PCDH15: variants seen among roughly 807,000 people sequenced by gnomAD.
PCDH15 encodes protocadherin related 15.
Under a neutral mutation model 178.5 loss-of-function variants are expected in PCDH15, and 129 were observed. The observed-to-expected ratio is 0.72, with a 90% CI of 0.63 to 0.84. PCDH15 has a LOEUF of 0.84. Ranked by LOEUF, PCDH15 falls within the 40% of genes least tolerant of loss-of-function variation. PCDH15 has a pLI of 0.00. For synonymous variants in PCDH15, 800 were observed against 732.0 expected (o/e 1.09, Z -1.50); for missense variants, 2,230 against 2,099.9 (o/e 1.06, Z -1.21).
rs73248519 is a variant in PCDH15 at position 53,931,336 on chromosome 10, G to A, written c.3373+7479C>T. ...GTCAGCCATCAGGTGGATTGTATGA[G>A]TGGTATGTATGCTACAAATTTGCAT... On this transcript the variant is annotated intron_variant, in intron 25 of 37. Coordinates refer to ENST00000644397, the MANE Select transcript of PCDH15 (RefSeq NM_001384140.1). 3.0e-3 allele frequency among the ~76,000 whole-genome samples: 463 copies of A among 152,300 alleles called. 4 individuals carry two copies. Among genetic ancestry groups the A allele is most frequent in the African/African-American group, 0.011 (438 of 41,548 alleles).
At chr10:54,512,359 T>TTTTGTG (rs374994766) in intron 3 of PCDH15, among the ~76,000 whole-genome samples, 22 of 134,174 alleles carry the variant, frequency 1.6e-4, no homozygotes, top group African/African-American at 5.1e-4. Context: ...ATTTCTGGCA[T>TTTTGTG]TGTGTGTGTG....
intron 26 of PCDH15, among the ~76,000 whole-genome samples, chr10:53,870,696 C>G (rs1026530289): frequency 3.9e-5 from 6 of 152,126 alleles, no homozygotes; most frequent in Non-Finnish European, 8.8e-5. Context: ...ATAACAAATA[C>G]ATATTTTAAA....
intron 2 of PCDH15, among the ~76,000 whole-genome samples, chr10:55,045,779 G>A (rs142285940): frequency 6.6e-5 from 10 of 152,094 alleles, no homozygotes; most frequent in African/African-American, 2.2e-4. Context: ...AGTAATGCCA[G>A]TAATGTCAAT....
chr10:54,731,541 G>GAGATATATATATATATAT (rs1401452530), intron 1 of PCDH15, among the ~76,000 whole-genome samples: 3 of 68,318 alleles, frequency 4.4e-5, no homozygotes, highest in African/African-American at 6.1e-5. Context: ...GAAAATGTGA[G>GAGATATATATATATATAT]ATAGATATAT....
intron 3 of PCDH15, among the ~76,000 whole-genome samples, chr10:54,887,657 T>G (rs1186953691): frequency 6.6e-6 from 1 of 152,076 alleles, no homozygotes; most frequent in Admixed American, 6.6e-5. Flanking sequence ...AGAAATGCAT[T>G]TTTTTGAAAA....
At chr10:54,559,794 T>C (rs1311605334) in intron 2 of PCDH15, among the ~76,000 whole-genome samples, 3 of 143,202 alleles carry the variant, frequency 2.1e-5, no homozygotes, top group Non-Finnish European at 4.5e-5. Flanking sequence ...CTGGCTTAAA[T>C]GAGAATTCTG....
At chr10:54,049,521 G>A (rs964962455) in intron 18 of PCDH15, among the ~76,000 whole-genome samples, 2 of 152,202 alleles carry the variant, frequency 1.3e-5, no homozygotes, top group Non-Finnish European at 2.9e-5. Context: ...AGATGGATCT[G>A]ATTATTTTGA....
chr10:55,291,887 G>T (rs1017301125), intron 1 of PCDH15, among the ~76,000 whole-genome samples: 1 of 152,112 alleles, frequency 6.6e-6, no homozygotes, highest in South Asian at 2.1e-4. Flanking sequence ...CAGGGAAACT[G>T]CCCCCTATAA....
chr10:54,271,274 G>A (rs1223851874), intron 8 of PCDH15, among the ~76,000 whole-genome samples: 3 of 151,962 alleles, frequency 2.0e-5, no homozygotes, highest in Non-Finnish European at 4.4e-5. Flanking sequence ...ACAATGGTGC[G>A]ATCTCGGCTC....
At chr10:54,775,105 G>C (rs1949547900) in intron 1 of PCDH15, among the ~76,000 whole-genome samples, 1 of 152,152 alleles carries the variant, frequency 6.6e-6, no homozygotes, top group African/African-American at 2.4e-5. Flanking sequence ...GATGCTGTTA[G>C]AGTCTACTAA....
intron 3 of PCDH15, among the ~76,000 whole-genome samples, chr10:54,464,503 G>A (rs1330857058): frequency 6.6e-6 from 1 of 152,156 alleles, no homozygotes; most frequent in African/African-American, 2.4e-5. Flanking sequence ...TAATATTTTT[G>A]TGTTTACACA....
intron 37 of PCDH15, chr10:53,809,048 CCAT>C: frequency 6.2e-7 from 1 of 1,610,404 alleles, no homozygotes; most frequent in Non-Finnish European, 8.5e-7. Flanking sequence ...ACCTCCTCAA[CCAT>C]GGGCCTTCTT....
intron 2 of PCDH15, among the ~76,000 whole-genome samples, chr10:55,416,900 G>A (rs1838497185): frequency 6.6e-6 from 1 of 151,612 alleles, no homozygotes; most frequent in African/African-American, 2.4e-5. Flanking sequence ...TGCCCTCTTG[G>A]ATAAATAAAA....
At chr10:55,557,831 C>G (rs1842120243) in intron 2 of PCDH15, among the ~76,000 whole-genome samples, 1 of 152,064 alleles carries the variant, frequency 6.6e-6, no homozygotes. Context: ...AGAAAATACA[C>G]TGACATATGG....
intron 1 of PCDH15, among the ~76,000 whole-genome samples, chr10:54,739,309 A>G (rs1944488445): frequency 6.6e-6 from 1 of 151,978 alleles, no homozygotes; most frequent in Non-Finnish European, 1.5e-5. Flanking sequence ...AAGTAATTCA[A>G]TTTACACAGC....
intron 2 of PCDH15, chr10:54,607,930 A>G (rs1158325457): frequency 2.0e-6 from 1 of 512,436 alleles, no homozygotes; most frequent in African/African-American, 2.0e-5. Context: ...AATGTCAAAA[A>G]CTGTGATTAC....
At chr10:55,422,393 T>A (rs1838643831) in intron 2 of PCDH15, among the ~76,000 whole-genome samples, 2 of 151,868 alleles carry the variant, frequency 1.3e-5, no homozygotes. Flanking sequence ...TTCCTATACA[T>A]TCCAATAATG....
At chr10:55,577,267 A>T (rs570020652) in intron 2 of PCDH15, among the ~76,000 whole-genome samples, 1 of 152,242 alleles carries the variant, frequency 6.6e-6, no homozygotes, top group African/African-American at 2.4e-5. Flanking sequence ...GAAACAAAAG[A>T]GAAGTGATTT....
chr10:54,691,042 T>C (rs1474395100), intron 1 of PCDH15, among the ~76,000 whole-genome samples: 1 of 152,156 alleles, frequency 6.6e-6, no homozygotes, highest in Non-Finnish European at 1.5e-5. Context: ...TGACAGTACG[T>C]AGCAGAACAA....
Sources: gnomAD v4.1 joint callset for allele counts (sites outside exome capture counted in the v4.1 genomes callset) on GRCh38, gnomAD v4.1.1 for gene constraint, MANE v1.5 for transcripts, NCBI Gene and HGNC (gene_info 2026-07-23, HGNC 2026-07-21) for gene names.